The following IRAK2 variants were observed in gnomAD, a reference collection of about 807,000 sequenced individuals.
The protein encoded by IRAK2 is interleukin 1 receptor associated kinase 2.
In IRAK2, 57 loss-of-function variants were observed where a neutral mutation model predicts 72.0. That is an observed-to-expected ratio of 0.79 (90% CI 0.64 to 0.99). The LOEUF is 0.99. Ranked by LOEUF, IRAK2 falls within the 50% of genes least tolerant of loss-of-function variation. IRAK2 has a pLI of 0.00. For synonymous variants in IRAK2, 293 were observed against 312.7 expected, an observed-to-expected ratio of 0.94 and a Z score of 0.67; for missense variants, 790 against 794.4, an observed-to-expected ratio of 0.99 and a Z score of 0.07.
chr3:10,222,371 G>A (rs568631493), intron 8 of IRAK2, among the ~76,000 whole-genome samples: 1 of 152,182 alleles, frequency 6.6e-6, no homozygotes, highest in East Asian at 1.9e-4. Context: ...TGGCATCTGT[G>A]GGGATCAGGG....
intron 8 of IRAK2, among the ~76,000 whole-genome samples, 194 bp downstream of exon 8, chr3:10,219,983 C>T (rs1432795297): frequency 6.6e-6 from 1 of 152,184 alleles, no homozygotes; most frequent in East Asian, 1.9e-4. Context: ...CCGGGCTGTG[C>T]TCCAAGTCCA....
intron 2 of IRAK2, among the ~76,000 whole-genome samples, chr3:10,192,252 A>G (rs1215056787): frequency 6.6e-6 from 1 of 152,222 alleles, no homozygotes; most frequent in East Asian, 1.9e-4. Flanking sequence ...AGTCAGCCTA[A>G]GAACAAATTA....
intron 1 of IRAK2, among the ~76,000 whole-genome samples, chr3:10,168,411 G>C (rs1260491116): frequency 6.6e-6 from 1 of 151,480 alleles, no homozygotes; most frequent in African/African-American, 2.4e-5. Flanking sequence ...GGGTTTCACC[G>C]TGTTGGCCAG....
intron 12 of IRAK2, among the ~76,000 whole-genome samples, chr3:10,241,801 CAAAAAAAAA>C (rs4019566): frequency 3.6e-5 from 3 of 83,142 alleles, no homozygotes; most frequent in Non-Finnish European, 4.5e-5. Flanking sequence ...GACTCCATCT[CAAAAAAAAA>C]AAAAAAAAAA....
At chr3:10,191,203 G>GA in intron 2 of IRAK2, among the ~76,000 whole-genome samples, 1 of 151,920 alleles carries the variant, frequency 6.6e-6, no homozygotes, top group East Asian at 1.9e-4. Context: ...GCTGAGGCAG[G>GA]AGAATTGCTT....
chr3:10,183,460 GT>G (rs1400380162), intron 2 of IRAK2, among the ~76,000 whole-genome samples: 1 of 152,218 alleles, frequency 6.6e-6, no homozygotes, highest in Non-Finnish European at 1.5e-5. Flanking sequence ...GCTCAAGCCT[GT>G]AATCCCAACA....
At chr3:10,168,800 C>T (rs908469218) in intron 1 of IRAK2, among the ~76,000 whole-genome samples, 1 of 152,184 alleles carries the variant, frequency 6.6e-6, no homozygotes, top group Non-Finnish European at 1.5e-5. Flanking sequence ...CCACACTGAC[C>T]TCCCTGGGCC....
rs183858604 is a variant in IRAK2 at position 10,223,269 on chromosome 3, C to T, written c.1209+438C>T. Among the ~76,000 whole-genome samples, 42 of 152,308 alleles carry T rather than the reference C, an allele frequency of 2.8e-4. No homozygotes were observed. In the East Asian group the frequency reaches 2.9e-3, roughly 10 times the overall value. The stretch of plus-strand genomic sequence containing the variant: ...TGTCTATTTGTCCTTATTTGTTCAT[C>T]GCTGTCCGATCATCCATCTACCCTT... On this transcript the variant is annotated intron_variant, in intron 9 of 12. Coordinates refer to ENST00000256458, the MANE Select transcript of IRAK2 (RefSeq NM_001570.4).
intron 2 of IRAK2, among the ~76,000 whole-genome samples, chr3:10,195,567 C>G (rs1697250194): frequency 1.3e-5 from 2 of 150,466 alleles, no homozygotes; most frequent in Admixed American, 1.3e-4. Context: ...AAAAAAGGAA[C>G]AGGACACTGA....
intron 1 of IRAK2, among the ~76,000 whole-genome samples, chr3:10,172,197 C>T (rs1403148508): frequency 2.7e-5 from 4 of 150,882 alleles, no homozygotes; most frequent in East Asian, 4.0e-4. Flanking sequence ...AGTGAAACCC[C>T]GTTTCTACTA....
rs11465895 is a variant in IRAK2, at chr3:10,213,059, T to C, written c.529-148T>C. On this transcript the variant is annotated intron_variant, in intron 4 of 12. Coordinates refer to ENST00000256458, the MANE Select transcript of IRAK2 (RefSeq NM_001570.4). ...CTGGGATTACAGGCGTGAGCCACCG[T>C]GCCCGGCCTATCCATGTCCTTTTTA... 3.4e-3 allele frequency: 2,347 copies of C among 683,970 alleles called. 3 individuals carry two copies. The highest frequency in any genetic ancestry group is 0.012 in the Middle Eastern group (30 of 2,412). 42.4% of individuals were successfully genotyped at this position (683,970 alleles called of 1,614,324 possible).
At position 10,236,341 on chromosome 3, in the gene IRAK2, G is replaced by GTTTT. The variant is rs1338122281; in HGVS notation, c.1473+1682_1473+1683insTTTT. On this transcript the variant is annotated intron_variant, in intron 11 of 12. Transcript: ENST00000256458. ...GTAAGGATTTTTGCAGAGCCACTAA[G>GTTTT]GTTTTTTTTTTTTTTTTTTTTTTTT... 4.5e-3 allele frequency among the ~76,000 whole-genome samples: 559 copies of GTTTT among 125,172 alleles called. 12 individuals are homozygous for GTTTT. Among genetic ancestry groups the GTTTT allele is most frequent in the Admixed American group, 0.017 (191 of 11,158 alleles). The allele number at this position is 125,172 out of a possible 152,430, so 82.1% of individuals were successfully genotyped here. A position where few individuals can be genotyped will look rare whatever the true frequency, so the allele number is the denominator to read the frequency against.
At chr3:10,201,777 G>A (rs533223905) in intron 3 of IRAK2, among the ~76,000 whole-genome samples, 4 of 152,314 alleles carry the variant, frequency 2.6e-5, no homozygotes, top group African/African-American at 9.6e-5. Context: ...GCGGCCTCCT[G>A]AGTGGTGAGC....
chr3:10,231,909 A>C (rs1298069984), intron 10 of IRAK2, among the ~76,000 whole-genome samples: 3 of 151,990 alleles, frequency 2.0e-5, no homozygotes, highest in African/African-American at 7.2e-5. Flanking sequence ...GGCGGATCAC[A>C]AGGTCAGGAG....
chr3:10,196,086 A>G (rs1053116158), intron 2 of IRAK2, among the ~76,000 whole-genome samples: 1 of 152,124 alleles, frequency 6.6e-6, no homozygotes, highest in African/African-American at 2.4e-5. Flanking sequence ...GACATTGTTC[A>G]TTGTCATTCT....
At chr3:10,184,286 G>A (rs1697008372) in intron 2 of IRAK2, among the ~76,000 whole-genome samples, 1 of 152,162 alleles carries the variant, frequency 6.6e-6, no homozygotes, top group South Asian at 2.1e-4. Flanking sequence ...TGCAACTAAA[G>A]CTTCTAGTAC....
chr3:10,168,195 G>A (rs937008093), intron 1 of IRAK2, among the ~76,000 whole-genome samples: 2 of 150,528 alleles, frequency 1.3e-5, no homozygotes, highest in African/African-American at 4.9e-5. Context: ...GTCAACATGT[G>A]TTATTTTTTT....
intron 11 of IRAK2, among the ~76,000 whole-genome samples, chr3:10,237,188 T>C (rs1381927791): frequency 1.3e-5 from 2 of 152,260 alleles, no homozygotes; most frequent in Admixed American, 1.3e-4. Flanking sequence ...CAAATATTTA[T>C]TGGGCATCTA....
intron 1 of IRAK2, 130 bp from the exon 2 acceptor site, chr3:10,177,708 G>A: frequency 1.2e-6 from 1 of 851,500 alleles, no homozygotes; most frequent in South Asian, 1.5e-5. Flanking sequence ...AGCTAATGGT[G>A]GTGTTTCCAG....
Sources: allele counts gnomAD v4.1 joint callset (sites outside exome capture counted in the v4.1 genomes callset), GRCh38; gene constraint gnomAD v4.1.1; transcripts MANE v1.5; gene names NCBI Gene and HGNC (gene_info 2026-07-23, HGNC 2026-07-21).